The following ANGPT1 variants were observed in gnomAD, a reference collection of about 807,000 sequenced individuals.
ANGPT1 encodes angiopoietin-1.
A neutral mutation model predicts 62.2 loss-of-function variants in ANGPT1; 17 were observed. The ratio of observed to expected loss-of-function variants is 0.27; its 90% confidence interval spans 0.19 to 0.41. The LOEUF (loss-of-function observed/expected upper bound fraction) is 0.41. Ranked by LOEUF, ANGPT1 falls within the 10% of genes least tolerant of loss-of-function variation. ANGPT1 has a pLI of 1.00. For missense variants in ANGPT1, 478 were observed against 594.9 expected, an observed-to-expected ratio of 0.80 and a Z score of 2.04; for synonymous variants, 199 against 198.9, an observed-to-expected ratio of 1.00 and a Z score of 0.00.
chr8:107,439,816 G>T (rs1197947588), intron 1 of ANGPT1, among the ~76,000 whole-genome samples: 4 of 152,150 alleles, frequency 2.6e-5, no homozygotes, highest in Non-Finnish European at 5.9e-5. Flanking sequence ...AGGCTCACCA[G>T]GAGGCCCTTA....
intron 1 of ANGPT1, among the ~76,000 whole-genome samples, chr8:107,354,276 C>A (rs565495360): frequency 6.6e-6 from 1 of 152,288 alleles, no homozygotes; most frequent in East Asian, 1.9e-4. Context: ...ATTTGCACGT[C>A]TGCTTAATTT....
At chr8:107,476,952 T>A (rs1812548806) in intron 1 of ANGPT1, among the ~76,000 whole-genome samples, 1 of 152,148 alleles carries the variant, frequency 6.6e-6, no homozygotes, top group African/African-American at 2.4e-5. Context: ...GCTTGCTTAT[T>A]TCTGTATTAC....
intron 1 of ANGPT1, among the ~76,000 whole-genome samples, chr8:107,395,812 G>GT (rs1257317472): frequency 2.0e-5 from 3 of 152,084 alleles, no homozygotes; most frequent in Non-Finnish European, 2.9e-5. Flanking sequence ...CAGGAAAACA[G>GT]TTAGAATTTC....
chr8:107,295,761 G>A (rs76940556), intron 5 of ANGPT1, among the ~76,000 whole-genome samples: 21 of 152,150 alleles, frequency 1.4e-4, no homozygotes, highest in African/African-American at 3.6e-4. Flanking sequence ...AAAGTTTATC[G>A]AGCACTTCGA....
intron 1 of ANGPT1, among the ~76,000 whole-genome samples, chr8:107,372,458 A>G (rs905730355): frequency 5.3e-5 from 8 of 152,144 alleles, no homozygotes; most frequent in African/African-American, 7.2e-5. Flanking sequence ...AACCAAATGC[A>G]TTTGTCTAAT....
In ANGPT1 at chr8:107,251,788, A is replaced by G. The variant is rs1344152255; in HGVS notation, c.*67T>C. 16 of 1,579,340 alleles carry G rather than the reference A, an allele frequency of 1.0e-5. No homozygotes were observed. Among genetic ancestry groups the G allele is most frequent in the Admixed American group, 3.5e-5 (2 of 57,560 alleles). On this transcript the variant is annotated 3_prime_UTR_variant, in exon 9 of 9. Coordinates refer to ENST00000517746, the MANE Select transcript of ANGPT1 (RefSeq NM_001146.5). The stretch of plus-strand genomic sequence containing the variant: ...TTGTTTGCTTCTGAAGTTTTCAAAC[A>G]GTTTCTCACCTGGCAGCTTCTCCGG...
intron 3 of ANGPT1, among the ~76,000 whole-genome samples, chr8:107,325,699 C>T (rs943558804): frequency 2.6e-5 from 4 of 152,016 alleles, no homozygotes; most frequent in Admixed American, 6.6e-5. Context: ...AGAATAAAAA[C>T]CTCAAATGAA....
chr8:107,365,682 C>T (rs751786556), intron 1 of ANGPT1, among the ~76,000 whole-genome samples: 1 of 152,128 alleles, frequency 6.6e-6, no homozygotes, highest in Non-Finnish European at 1.5e-5. Context: ...CATTAAAATA[C>T]TCTGCCTTCC....
At chr8:107,437,140 T>C (rs547572870) in intron 1 of ANGPT1, among the ~76,000 whole-genome samples, 3 of 152,226 alleles carry the variant, frequency 2.0e-5, no homozygotes, top group Admixed American at 1.3e-4. Flanking sequence ...ATTTTTCTAA[T>C]ATTACATATT....
rs1267868123 is a variant in ANGPT1, at chr8:107,299,443, CAT to C, written c.936+3795_936+3796del. Among the ~76,000 whole-genome samples the C allele has an allele frequency of 4.0e-5, 5 of 124,486 alleles. No individual in the cohort carries two copies. The East Asian group carries it at 8.1e-4, about 20-fold the overall frequency. 81.7% of individuals were successfully genotyped at this position (124,486 alleles called of 152,430 possible). On this transcript the variant is annotated intron_variant, in intron 5 of 8. Transcript: ENST00000517746. ...TATAAACATACATATATATACTAAG[CAT>C]ATATATATACACTAAGCATATATAT... is the stretch of plus-strand genomic sequence containing the variant.
At chr8:107,476,851 T>C (rs73699712) in intron 1 of ANGPT1, among the ~76,000 whole-genome samples, 2 of 152,088 alleles carry the variant, frequency 1.3e-5, no homozygotes, top group Non-Finnish European at 2.9e-5. Context: ...AGACTTCTGG[T>C]TTATTTTTAT....
intron 1 of ANGPT1, among the ~76,000 whole-genome samples, chr8:107,422,692 C>G (rs13257372): frequency 0.091 from 13,866 of 152,058 alleles, 1,043 homozygotes; most frequent in East Asian, 0.44. Flanking sequence ...CACAAAAAGG[C>G]CTGAACTAAT....
chr8:107,323,974 T>A (rs998974874), intron 3 of ANGPT1, among the ~76,000 whole-genome samples: 5 of 151,524 alleles, frequency 3.3e-5, no homozygotes, highest in African/African-American at 1.2e-4. Context: ...AGAGATGGGG[T>A]TTTGCCGTGT....
At chr8:107,292,548 T>G (rs755424285) in intron 6 of ANGPT1, among the ~76,000 whole-genome samples, 2 of 152,200 alleles carry the variant, frequency 1.3e-5, no homozygotes, top group Non-Finnish European at 2.9e-5. Context: ...AGGTGAAATA[T>G]TCTACAATCA....
intron 3 of ANGPT1, 139 bp downstream of exon 3, chr8:107,336,007 CTTTA>C: frequency 1.4e-6 from 1 of 735,930 alleles, no homozygotes. Flanking sequence ...TTAAGCTCTC[CTTTA>C]TTTTTATATT....
At chr8:107,397,983 T>C (rs1816968299) in intron 1 of ANGPT1, among the ~76,000 whole-genome samples, 1 of 152,190 alleles carries the variant, frequency 6.6e-6, no homozygotes, top group Non-Finnish European at 1.5e-5. Context: ...ATTACCAGAT[T>C]ATCAGGGTTT....
chr8:107,323,481 C>T (rs994490403), intron 3 of ANGPT1, among the ~76,000 whole-genome samples: 1 of 152,112 alleles, frequency 6.6e-6, no homozygotes. Context: ...GTTTGAAGAG[C>T]CAAATCTTCC....
At chr8:107,329,620 G>GT (rs1162223253) in intron 3 of ANGPT1, among the ~76,000 whole-genome samples, 2 of 151,586 alleles carry the variant, frequency 1.3e-5, no homozygotes, top group African/African-American at 4.8e-5. Context: ...AATATGATTT[G>GT]TTTTTTCCAC....
At chr8:107,482,027 A>T (rs956918335) in intron 1 of ANGPT1, among the ~76,000 whole-genome samples, 5 of 152,186 alleles carry the variant, frequency 3.3e-5, no homozygotes, top group African/African-American at 1.2e-4. Context: ...ATAATGATTA[A>T]ATTCCCGGAC....
Sources: gnomAD v4.1 joint callset for allele counts (sites outside exome capture counted in the v4.1 genomes callset) on GRCh38, gnomAD v4.1.1 for gene constraint, MANE v1.5 for transcripts, NCBI Gene and HGNC (gene_info 2026-07-23, HGNC 2026-07-21) for gene names.